GRHL2: variants seen among roughly 807,000 people sequenced by gnomAD.
The protein encoded by GRHL2 is grainyhead like transcription factor 2.
A neutral mutation model predicts 83.8 loss-of-function variants in GRHL2; 21 were observed. That is an observed-to-expected ratio of 0.25 (90% CI 0.18 to 0.36). GRHL2 has a LOEUF of 0.36. GRHL2 is among the 10% of genes least tolerant of loss of function. The pLI, the probability that GRHL2 is intolerant of heterozygous loss-of-function variation, is 1.00. For missense variants in GRHL2, 623 were observed against 781.8 expected, an observed-to-expected ratio of 0.80 and a Z score of 2.42; for synonymous variants, 280 against 278.9, an observed-to-expected ratio of 1.00 and a Z score of -0.04.
At chr8:101,637,331 C>T (rs1813308865) in intron 12 of GRHL2, among the ~76,000 whole-genome samples, 1 of 152,178 alleles carries the variant, frequency 6.6e-6, no homozygotes, top group Non-Finnish European at 1.5e-5. Context: ...GACAGCCTAC[C>T]CTTCTTCCAG....
At position 101,667,083 on chromosome 8, in the gene GRHL2, C is replaced by T. The variant is rs2129780476; in HGVS notation, c.*380C>T. On this transcript the variant is annotated 3_prime_UTR_variant, in exon 16 of 16. Transcript: ENST00000646743. ...TCATCCCGAACAGCCTAAAAAATTC[C>T]CATCCCTTCTCTCTCACCCCTCCAT... is the stretch of plus-strand genomic sequence containing the variant. 1 of 318,984 alleles carries T rather than the reference C, an allele frequency of 3.1e-6. No homozygotes were observed. The highest frequency in any genetic ancestry group is 6.1e-6 in the Non-Finnish European group (1 of 165,044). 19.8% of individuals were successfully genotyped at this position (318,984 alleles called of 1,614,324 possible). A position where few individuals can be genotyped will look rare whatever the true frequency, so the allele number is the denominator to read the frequency against.
At chr8:101,504,578 C>T (rs992034899) in intron 1 of GRHL2, among the ~76,000 whole-genome samples, 15 of 151,744 alleles carry the variant, frequency 9.9e-5, no homozygotes, top group African/African-American at 3.6e-4. Context: ...TTTGAAGGGA[C>T]AGGGAGAGCC....
intron 9 of GRHL2, among the ~76,000 whole-genome samples, chr8:101,624,545 T>G (rs766500332): frequency 0.017 from 131 of 7,690 alleles, 1 homozygote; most frequent in South Asian, 0.092. Context: ...GAGTACACAG[T>G]AGGACAGTAC....
At chr8:101,505,511 A>G (rs1474970775) in intron 1 of GRHL2, among the ~76,000 whole-genome samples, 1 of 132,838 alleles carries the variant, frequency 7.5e-6, no homozygotes, top group African/African-American at 2.8e-5. Flanking sequence ...TGGGACGCGG[A>G]GGTTGCAGTG....
chr8:101,509,151 TTC>T (rs1554581554), intron 1 of GRHL2, among the ~76,000 whole-genome samples: 153 of 83,048 alleles, frequency 1.8e-3, no homozygotes, highest in East Asian at 3.6e-3. Flanking sequence ...CCTTCCTTCC[TTC>T]CTTCCTTTCT....
intron 1 of GRHL2, among the ~76,000 whole-genome samples, chr8:101,533,679 G>A (rs996615303): frequency 6.6e-5 from 10 of 152,336 alleles, no homozygotes; most frequent in Middle Eastern, 6.8e-3. Flanking sequence ...AGCATGGGTG[G>A]AAGCAGGTTG....
At chr8:101,654,910 T>C (rs1024357257) in intron 14 of GRHL2, among the ~76,000 whole-genome samples, 2 of 152,054 alleles carry the variant, frequency 1.3e-5, no homozygotes, top group Non-Finnish European at 1.5e-5. Context: ...AGGCCAGGGG[T>C]AGTGGCTCAC....
downstream of GRHL2, among the ~76,000 whole-genome samples, chr8:101,671,497 A>G (rs1445095870): frequency 1.3e-5 from 2 of 152,066 alleles, no homozygotes; most frequent in African/African-American, 4.8e-5. Context: ...GGGCACCTGC[A>G]ATTGCCCAGG....
chr8:101,586,459 T>C (rs1812173827), intron 7 of GRHL2, among the ~76,000 whole-genome samples: 1 of 152,220 alleles, frequency 6.6e-6, no homozygotes, highest in African/African-American at 2.4e-5. Flanking sequence ...ATCTCACACC[T>C]TGAGACCTTG....
At chr8:101,558,930 GT>G in intron 4 of GRHL2, 118 bp downstream of exon 4, 1 of 1,145,148 alleles carries the variant, frequency 8.7e-7, no homozygotes, top group Non-Finnish European at 1.3e-6. Context: ...GCTTCAATTA[GT>G]TTTTTAAAAG....
intron 7 of GRHL2, among the ~76,000 whole-genome samples, chr8:101,593,569 G>A (rs1325378607): frequency 6.6e-6 from 1 of 152,154 alleles, no homozygotes; most frequent in Non-Finnish European, 1.5e-5. Flanking sequence ...CAGATCACAT[G>A]AGTTCTAATC....
chr8:101,575,780 T>G (rs1811921757), intron 6 of GRHL2, among the ~76,000 whole-genome samples: 3 of 152,204 alleles, frequency 2.0e-5, no homozygotes. Context: ...CGCAGTAAAC[T>G]TTGACACATA....
At chr8:101,644,544 G>T (rs1002218269) in intron 13 of GRHL2, among the ~76,000 whole-genome samples, 1 of 152,208 alleles carries the variant, frequency 6.6e-6, no homozygotes, top group Non-Finnish European at 1.5e-5. Context: ...TACCTCATAA[G>T]AACTAGTGAT....
At chr8:101,559,490 A>G (rs111677237) in intron 4 of GRHL2, among the ~76,000 whole-genome samples, 4,359 of 152,060 alleles carry the variant, frequency 0.029, 186 homozygotes, top group African/African-American at 0.091. Flanking sequence ...AGATCATGCC[A>G]CTGCACTCCA....
intron 1 of GRHL2, among the ~76,000 whole-genome samples, chr8:101,508,290 T>G (rs747460431): frequency 4.6e-5 from 7 of 152,136 alleles, no homozygotes; most frequent in Non-Finnish European, 1.0e-4. Context: ...ACATTCCGTC[T>G]CTAACAATGC....
chr8:101,669,281 TGAACA>T lies in GRHL2; in HGVS notation c.*2584_*2588del, dbSNP rs1211375064. 2.3e-4 allele frequency: 11 copies of T among 47,452 alleles called. No homozygotes were observed. Among genetic ancestry groups the T allele is most frequent in the African/African-American group, 4.1e-4 (7 of 17,084 alleles). The allele number at this position is 47,452 out of a possible 1,614,324, so 2.9% of individuals were successfully genotyped here. A position where few individuals can be genotyped will look rare whatever the true frequency, so the allele number is the denominator to read the frequency against. ...TTTTTTTTTTTAACAAAGTCTGAAC[TGAACA>T]GAACAAGACTTTTTCCTCATACATC... On this transcript the variant is annotated 3_prime_UTR_variant, in exon 16 of 16. Transcript: ENST00000646743.
chr8:101,617,696 G>A (rs986771097), intron 8 of GRHL2, among the ~76,000 whole-genome samples: 2 of 152,088 alleles, frequency 1.3e-5, no homozygotes, highest in Admixed American at 6.6e-5. Context: ...GTAGAGATGG[G>A]ATCTCACTAT....
chr8:101,621,025 C>T (rs868797180), intron 9 of GRHL2, among the ~76,000 whole-genome samples: 2 of 151,714 alleles, frequency 1.3e-5, no homozygotes, highest in African/African-American at 2.4e-5. Context: ...GAAGATGGGA[C>T]GGGATACAGA....
intron 1 of GRHL2, among the ~76,000 whole-genome samples, chr8:101,528,253 G>T (rs1810847230): frequency 6.6e-6 from 1 of 152,082 alleles, no homozygotes; most frequent in Admixed American, 6.5e-5. Context: ...ACTGGACAAT[G>T]CTTTGATTGC....
Sources: gnomAD v4.1 joint callset for allele counts (sites outside exome capture counted in the v4.1 genomes callset) on GRCh38, gnomAD v4.1.1 for gene constraint, MANE v1.5 for transcripts, NCBI Gene and HGNC (gene_info 2026-07-23, HGNC 2026-07-21) for gene names.